B4GALT4: variants seen among roughly 807,000 people sequenced by gnomAD.
B4GALT4 encodes beta-1,4-galactosyltransferase 4, also known as N-acetyllactosamine synthase.
B4GALT4 carries 27 observed loss-of-function variants against 37.3 expected under a neutral mutation model. The observed-to-expected ratio is 0.72, with a 90% CI of 0.53 to 1.00. The LOEUF (loss-of-function observed/expected upper bound fraction) is 1.00, where lower values mean the gene tolerates loss of function less well. Among genes scored for constraint, B4GALT4 ranks in the 50% least tolerant of loss-of-function variants. The pLI, the probability that B4GALT4 is intolerant of heterozygous loss-of-function variation, is 0.00. For synonymous variants in B4GALT4, 148 were observed against 154.1 expected (o/e 0.96, Z 0.29); for missense variants, 372 against 413.1 (o/e 0.90, Z 0.86).
chr3:119,231,864 T>C (rs2078834527), intron 2 of B4GALT4, among the ~76,000 whole-genome samples: 1 of 148,000 alleles, frequency 6.8e-6, no homozygotes, highest in Non-Finnish European at 1.5e-5. Context: ...ATATTTTATA[T>C]AAATGTATAT....
At chr3:119,233,230 A>C (rs1415325011) in intron 2 of B4GALT4, 5 of 152,242 alleles carry the variant, frequency 3.3e-5, no homozygotes, top group Admixed American at 3.3e-4. Flanking sequence ...AAAAGATCTT[A>C]AAGACCACAC....
chr3:119,223,306 T>C (rs1178660857), intron 5 of B4GALT4, among the ~76,000 whole-genome samples: 2 of 152,230 alleles, frequency 1.3e-5, no homozygotes, highest in African/African-American at 2.4e-5. Context: ...GCACCACAGA[T>C]ATGAGCACCC....
chr3:119,213,061 G>C (rs2078202743), intron 7 of B4GALT4: 1 of 158,990 alleles, frequency 6.3e-6, no homozygotes, highest in Non-Finnish European at 1.4e-5. Context: ...TTTGTCTGTA[G>C]GTGGGTACAT....
In B4GALT4 at chr3:119,223,020, C is replaced by T. The variant is rs529305257; in HGVS notation, c.674+1038G>A. 1.4e-4 allele frequency among the ~76,000 whole-genome samples: 22 copies of T among 152,368 alleles called. 1 individual carries two copies. Among genetic ancestry groups the T allele is most frequent in the African/African-American group, 5.3e-4 (22 of 41,592 alleles). ...AACAAATGAGGTATCAAGAGACTCACTTTCCACTTCACACTCACGTAGAGT... is the reference window on the plus strand; with the variant it reads ...AACAAATGAGGTATCAAGAGACTCATTTTCCACTTCACACTCACGTAGAGT... On this transcript the variant is annotated intron_variant, in intron 5 of 7. Transcript: ENST00000393765.
chr3:119,234,872 T>C (rs2078938778), intron 2 of B4GALT4, among the ~76,000 whole-genome samples: 1 of 152,236 alleles, frequency 6.6e-6, no homozygotes, highest in Non-Finnish European at 1.5e-5. Context: ...GTCTGCCCCG[T>C]AGTTAGTTAA....
In B4GALT4 at chr3:119,234,576, A is replaced by G. The variant is rs540507387; in HGVS notation, c.-146+2277T>C. Among the ~76,000 whole-genome samples the G allele has an allele frequency of 3.9e-5, 6 of 152,248 alleles. No individual in the cohort carries two copies. The South Asian group carries it at 6.2e-4, about 16-fold the overall frequency. ...TTTTTTCTTTTAATGAGTATGTAAT[A>G]TTTTTATAATTAGAAAAACATAATG... On this transcript the variant is annotated intron_variant, in intron 2 of 7. Coordinates refer to ENST00000393765, the MANE Select transcript of B4GALT4 (RefSeq NM_003778.4).
chr3:119,230,227 T>C lies in B4GALT4; in HGVS notation c.-128A>G. ...AGATACAATGCCTGGTTTTTCTCAG[T>C]AGTTCTGCTCCAACAGTCTAAAACG... On this transcript the variant is annotated 5_prime_UTR_variant, in exon 3 of 8. Coordinates refer to ENST00000393765, the MANE Select transcript of B4GALT4 (RefSeq NM_003778.4). The C allele has an allele frequency of 8.2e-7, 1 of 1,225,392 alleles. No homozygotes were observed. The highest frequency in any genetic ancestry group is 1.5e-5 in the South Asian group (1 of 67,318). The allele number at this position is 1,225,392 out of a possible 1,614,324, so 75.9% of individuals were successfully genotyped here.
intron 5 of B4GALT4, among the ~76,000 whole-genome samples, chr3:119,219,677 G>A (rs573662478): frequency 3.3e-5 from 5 of 152,282 alleles, no homozygotes; most frequent in Admixed American, 1.3e-4. Flanking sequence ...TAGGAATACC[G>A]AAAAGAAAAA....
At chr3:119,227,648 A>C (rs144662079) in intron 3 of B4GALT4, among the ~76,000 whole-genome samples, 44 of 152,358 alleles carry the variant, frequency 2.9e-4, no homozygotes, top group African/African-American at 8.9e-4. Context: ...AATCGAGCAC[A>C]GTATTTGCTC....
chr3:119,222,026 G>A (rs1350431813), intron 5 of B4GALT4, among the ~76,000 whole-genome samples: 1 of 152,184 alleles, frequency 6.6e-6, no homozygotes, highest in Non-Finnish European at 1.5e-5. Flanking sequence ...CAAGAGCTCA[G>A]CCTTCTTATG....
chr3:119,224,361 C>T (rs564748600), intron 4 of B4GALT4, 116 bp from the exon 5 acceptor site: 20 of 670,362 alleles, frequency 3.0e-5, no homozygotes, highest in Middle Eastern at 4.0e-4. Context: ...CACGAGACTA[C>T]ACTTGTGACA....
intron 2 of B4GALT4, among the ~76,000 whole-genome samples, chr3:119,231,804 A>AAT (rs1185387250): frequency 4.6e-5 from 6 of 129,550 alleles, no homozygotes; most frequent in Non-Finnish European, 8.1e-5. Context: ...TAAAATATAA[A>AAT]ATAATATATT....
In B4GALT4 at chr3:119,217,902, G is replaced by A. The variant is rs532043705; in HGVS notation, c.797+748C>T. Among the ~76,000 whole-genome samples, 12 of 151,522 alleles carry A rather than the reference G, an allele frequency of 7.9e-5. No homozygotes were observed. In the South Asian group the frequency reaches 2.3e-3, roughly 29 times the overall value. Reference sequence around the variant, plus strand: ...CCAAGAGGCAACAAGCAGGAGGGAAGGGGGCCTCCTGACACCCAGAATGGC... The same window carrying A: ...CCAAGAGGCAACAAGCAGGAGGGAAAGGGGCCTCCTGACACCCAGAATGGC... On this transcript the variant is annotated intron_variant, in intron 6 of 7. Transcript: ENST00000393765.
chr3:119,235,710 C>A (rs188679938), intron 2 of B4GALT4, among the ~76,000 whole-genome samples: 24 of 152,086 alleles, frequency 1.6e-4, no homozygotes, highest in Non-Finnish European at 2.9e-5. Flanking sequence ...GTTCCCTGGG[C>A]AGGGTAGGAA....
Position 119,212,444 on chromosome 3 carries a change from T to G in B4GALT4, c.*105A>C. ...AAAAAGGAAAAATTCAGCTCAACAATGAGCTGTAACAGGTTCTTAATGTGT... is the reference window on the plus strand; with the variant it reads ...AAAAAGGAAAAATTCAGCTCAACAAGGAGCTGTAACAGGTTCTTAATGTGT... On this transcript the variant is annotated 3_prime_UTR_variant, in exon 8 of 8. Coordinates refer to ENST00000393765, the MANE Select transcript of B4GALT4 (RefSeq NM_003778.4). The G allele has an allele frequency of 4.6e-5, 54 of 1,178,384 alleles. No individual in the cohort carries two copies. Among genetic ancestry groups the G allele is most frequent in the Non-Finnish European group, 6.1e-5 (51 of 835,080 alleles). 73.0% of individuals were successfully genotyped at this position (1,178,384 alleles called of 1,614,324 possible). A position where few individuals can be genotyped will look rare whatever the true frequency, so the allele number is the denominator to read the frequency against.
At chr3:119,217,065 C>T (rs2078312330) in intron 6 of B4GALT4, among the ~76,000 whole-genome samples, 1 of 152,224 alleles carries the variant, frequency 6.6e-6, no homozygotes, top group Non-Finnish European at 1.5e-5. Context: ...TTATCTACCA[C>T]ATTAGTCAAA....
chr3:119,232,515 T>C (rs1047543787), intron 2 of B4GALT4: 2 of 152,248 alleles, frequency 1.3e-5, no homozygotes, highest in Non-Finnish European at 2.9e-5. Flanking sequence ...TTTTCTCCCC[T>C]TGGTGCCTGG....
At chr3:119,214,637 A>C (rs576768981) in intron 7 of B4GALT4, 1 of 152,336 alleles carries the variant, frequency 6.6e-6, no homozygotes, top group South Asian at 2.1e-4. Context: ...CATTAGTCTG[A>C]AAAATTTTTA....
At chr3:119,229,556 G>A (rs751129123) in intron 3 of B4GALT4, among the ~76,000 whole-genome samples, 2 of 152,188 alleles carry the variant, frequency 1.3e-5, no homozygotes, top group Non-Finnish European at 2.9e-5. Flanking sequence ...CCGGAGTGGT[G>A]ACTGAAAGAA....
Sources: gnomAD v4.1 joint callset for allele counts (sites outside exome capture counted in the v4.1 genomes callset) on GRCh38, gnomAD v4.1.1 for gene constraint, MANE v1.5 for transcripts, NCBI Gene and HGNC (gene_info 2026-07-23, HGNC 2026-07-21) for gene names.